ABCA6: variants seen among roughly 807,000 people sequenced by gnomAD.
ABCA6 encodes the protein ATP-binding cassette sub-family A member 6.
A neutral mutation model predicts 191.2 loss-of-function variants in ABCA6; 164 were observed. The observed-to-expected ratio is 0.86, with a 90% CI of 0.76 to 0.98. The LOEUF (loss-of-function observed/expected upper bound fraction) is 0.98, where lower values mean the gene tolerates loss of function less well. ABCA6 is among the 50% of genes least tolerant of loss of function. ABCA6 has a pLI of 0.00. For synonymous variants in ABCA6, 636 were observed against 647.7 expected, an observed-to-expected ratio of 0.98 and a Z score of 0.27; for missense variants, 1,958 against 1,894.1, an observed-to-expected ratio of 1.03 and a Z score of -0.63.
At chr17:69,093,988 T>C (rs1240706667) in intron 25 of ABCA6, among the ~76,000 whole-genome samples, 1 of 152,244 alleles carries the variant, frequency 6.6e-6, no homozygotes, top group Non-Finnish European at 1.5e-5. Context: ...GAATATTGTC[T>C]TGCCTTATTT....
At chr17:69,128,161 G>A (rs150476451) in intron 8 of ABCA6, among the ~76,000 whole-genome samples, 1 of 151,936 alleles carries the variant, frequency 6.6e-6, no homozygotes, top group Non-Finnish European at 1.5e-5. Flanking sequence ...TTTGTGACTG[G>A]TGGCAACATC....
In ABCA6 at chr17:69,137,652, T is replaced by C. The variant is rs994196291; in HGVS notation, c.97-152A>G. The C allele has an allele frequency of 8.3e-5, 58 of 702,632 alleles. 2 individuals carry two copies. The South Asian group carries it at 1.1e-3, about 13-fold the overall frequency. 43.5% of individuals were successfully genotyped at this position (702,632 alleles called of 1,614,324 possible). On this transcript the variant is annotated intron_variant, in intron 2 of 38. Coordinates refer to ENST00000284425, the MANE Select transcript of ABCA6 (RefSeq NM_080284.3). ...AAGCCTCAGAGCATGGAGAATCAAA[T>C]GAAAGATAAATACTGAGACAGTAGC...
At chr17:69,140,503 T>G in intron 2 of ABCA6, 105 bp downstream of exon 2, 1 of 542,530 alleles carries the variant, frequency 1.8e-6, no homozygotes, top group Non-Finnish European at 3.0e-6. Context: ...ACTGGTAAAA[T>G]CAATAAATCC....
Position 69,106,183 on chromosome 17 carries a change from GTC to G in ABCA6, c.2416_2417del (p.Asp806LeufsTer6). On this transcript the variant is annotated frameshift_variant, in exon 19 of 39. Coordinates refer to ENST00000284425, the MANE Select transcript of ABCA6 (RefSeq NM_080284.3). LOFTEE classifies it high-confidence loss of function. Reference sequence around the variant, plus strand: ...GCTCCATTTCATTGAGGCTTTCTGAGTCTCTTATCATCTCCACTTGTTCGAAA... The same window carrying G: ...GCTCCATTTCATTGAGGCTTTCTGAGTCTTATCATCTCCACTTGTTCGAAA... ...QDFEQVEMIRDSESLNEMELA... is the reference protein window; with the variant it reads ...QDFEQVEMIRXSESLNEMELA... 6.2e-7 allele frequency: 1 copy of G among 1,613,036 alleles called. No individual in the cohort carries two copies. Among genetic ancestry groups the G allele is most frequent in the Non-Finnish European group, 8.5e-7 (1 of 1,179,544 alleles).
chr17:69,140,695 C>T lies in ABCA6; in HGVS notation c.9G>A (p.Met3Ile), dbSNP rs1328058927. Residue 3 changes from methionine (M) to isoleucine (I), a missense_variant, in exon 2 of 39, where the codon ATG becomes ATA. Met to Ile is a conservative substitution (Grantham distance 10, BLOSUM62 1). Transcript: ENST00000284425. ...TTTGCTGATACACGCTTTTCTGTTT[C>T]ATATTCATTTAGCCTATTCGCTGAA... Reference protein sequence around the residue: MNMKQKSVYQQTK... With the variant: MNIKQKSVYQQTK... 1 of 1,593,000 alleles carries T rather than the reference C, an allele frequency of 6.3e-7. No individual in the cohort carries two copies. Among genetic ancestry groups the T allele is most frequent in the South Asian group, 1.1e-5 (1 of 87,280 alleles).
At chr17:69,113,015 C>A in intron 15 of ABCA6, 3 of 408,440 alleles carry the variant, frequency 7.3e-6, no homozygotes, top group East Asian at 4.1e-5. Flanking sequence ...AAAAGGTAAT[C>A]AGAATTTTTC....
chr17:69,096,853 G>T (rs764179831), intron 23 of ABCA6, 52 bp from the exon 24 acceptor site: 1 of 1,374,066 alleles, frequency 7.3e-7, no homozygotes, highest in Non-Finnish European at 9.6e-7. Context: ...CAATTAAAAT[G>T]CAAATCTAAA....
chr17:69,125,083 A>G, intron 8 of ABCA6, 48 bp from the exon 9 acceptor site: 1 of 1,027,220 alleles, frequency 9.7e-7, no homozygotes, highest in Middle Eastern at 3.5e-4. Context: ...ATAAATAAAT[A>G]GCTTGGCATA....
At chr17:69,112,095 CGAGG>C in intron 16 of ABCA6, 84 bp downstream of exon 16, 1 of 969,884 alleles carries the variant, frequency 1.0e-6, no homozygotes, top group Non-Finnish European at 1.6e-6. Context: ...AGATGAAGCA[CGAGG>C]CCAGTTCTGT....
chr17:69,088,764 T>C (rs1049019172), intron 27 of ABCA6, among the ~76,000 whole-genome samples: 6 of 152,218 alleles, frequency 3.9e-5, no homozygotes, highest in African/African-American at 1.4e-4. Context: ...TTACCCTGTG[T>C]GACCCTTTCT....
chr17:69,085,867 A>G, intron 30 of ABCA6, 151 bp from the exon 31 acceptor site: 1 of 598,190 alleles, frequency 1.7e-6, no homozygotes, highest in South Asian at 2.2e-5. Context: ...TCACCAAAGC[A>G]TGTTCTTTAT....
chr17:69,106,300 T>C (rs2073303232), intron 18 of ABCA6, 89 bp from the exon 19 acceptor site: 19 of 1,272,972 alleles, frequency 1.5e-5, no homozygotes, highest in Non-Finnish European at 2.0e-5. Context: ...ATATTAAAAA[T>C]AGTATTACAT....
intron 8 of ABCA6, among the ~76,000 whole-genome samples, chr17:69,125,281 A>C (rs1728146529): frequency 6.6e-6 from 1 of 151,812 alleles, no homozygotes; most frequent in African/African-American, 2.4e-5. Flanking sequence ...ATTATAATTC[A>C]TTTGTTTGTT....
chr17:69,088,331 G>T, intron 27 of ABCA6, 73 bp from the exon 28 acceptor site: 1 of 1,197,460 alleles, frequency 8.4e-7, no homozygotes, highest in Non-Finnish European at 1.2e-6. Flanking sequence ...AATTAAGTTG[G>T]TGGTGTTTTG....
rs966463014 is a variant in ABCA6, at chr17:69,084,430, A to G, written c.4260+2T>C. 23 of 1,614,036 alleles carry G rather than the reference A, an allele frequency of 1.4e-5. No homozygotes were observed. Among genetic ancestry groups the G allele is most frequent in the Non-Finnish European group, 1.9e-5 (22 of 1,180,022 alleles). Reference sequence around the variant, plus strand: ...CCATAGAGCATCACACACCGCACGTACCTTTCTCGTGATTCCTGCTGTTAA... The same window carrying G: ...CCATAGAGCATCACACACCGCACGTGCCTTTCTCGTGATTCCTGCTGTTAA... On this transcript the variant is annotated splice_donor_variant, in intron 33 of 38. Coordinates refer to ENST00000284425, the MANE Select transcript of ABCA6 (RefSeq NM_080284.3). LOFTEE classifies it high-confidence loss of function.
intron 6 of ABCA6, among the ~76,000 whole-genome samples, chr17:69,132,968 G>A (rs1342738827): frequency 6.6e-6 from 1 of 152,174 alleles, no homozygotes; most frequent in Non-Finnish European, 1.5e-5. Flanking sequence ...TAGCACATAT[G>A]TATGTGTACA....
In ABCA6 at chr17:69,086,641, T is replaced by C. The variant is rs1317071703; in HGVS notation, c.3914A>G (p.Asn1305Ser). 2 of 1,611,664 alleles carry C rather than the reference T, an allele frequency of 1.2e-6. No individual in the cohort carries two copies. Among genetic ancestry groups the C allele is most frequent in the Non-Finnish European group, 1.7e-6 (2 of 1,178,326 alleles). Residue 1305 changes from asparagine to serine, a missense_variant, in exon 30 of 39, where the codon AAT becomes AGT. Physicochemically the swap from Asn to Ser is conservative, Grantham distance 46 (BLOSUM62 1). Coordinates refer to ENST00000284425, the MANE Select transcript of ABCA6 (RefSeq NM_080284.3). ...ACCTTCTTGAACACAGAAAGAGATA[T>C]TTCTTGCTGCTATTTTCTTCTTCCT... ...SKRKKKIAARNISFCVQEGEI... is the reference protein window; with the variant it reads ...SKRKKKIAARSISFCVQEGEI...
intron 6 of ABCA6, among the ~76,000 whole-genome samples, chr17:69,132,222 A>G (rs1265270165): frequency 6.6e-6 from 1 of 152,208 alleles, no homozygotes; most frequent in African/African-American, 2.4e-5. Flanking sequence ...TTCCAAAACC[A>G]TAAAGAGTAT....
chr17:69,098,165 G>T, intron 22 of ABCA6, 138 bp from the exon 23 acceptor site: 1 of 511,676 alleles, frequency 2.0e-6, no homozygotes, highest in Non-Finnish European at 3.2e-6. Context: ...GCACGAAGGT[G>T]GGAGGGAAAG....
Sources: allele counts gnomAD v4.1 joint callset (sites outside exome capture counted in the v4.1 genomes callset), GRCh38; gene constraint gnomAD v4.1.1; transcripts MANE v1.5; gene names NCBI Gene and HGNC (gene_info 2026-07-23, HGNC 2026-07-21).